Variants in LMTK2 observed in about 807,000 individuals in gnomAD.
LMTK2 encodes lemur tail kinase 2, also known as serine/threonine-protein kinase LMTK2.
Under a neutral mutation model 127.5 loss-of-function variants are expected in LMTK2, and 37 were observed. That is an observed-to-expected ratio of 0.29 (90% CI 0.22 to 0.38). The LOEUF (loss-of-function observed/expected upper bound fraction) is 0.38, where lower values mean the gene tolerates loss of function less well. Ranked by LOEUF, LMTK2 falls within the 10% of genes least tolerant of loss-of-function variation. The pLI is 1.00. For missense variants in LMTK2, 1,694 were observed against 1,920.3 expected (o/e 0.88, Z 2.20); for synonymous variants, 819 against 810.1 (o/e 1.01, Z -0.19).
At chr7:98,148,192 C>G (rs1225525015) in intron 3 of LMTK2, among the ~76,000 whole-genome samples, 1 of 150,850 alleles carries the variant, frequency 6.6e-6, no homozygotes, top group African/African-American at 2.4e-5. Flanking sequence ...GACCCTGTCT[C>G]AAAGAAAAAA....
At chr7:98,166,485 T>TACCTAA (rs1797103087) in intron 6 of LMTK2, among the ~76,000 whole-genome samples, 2 of 152,272 alleles carry the variant, frequency 1.3e-5, no homozygotes, top group South Asian at 4.1e-4. Context: ...AATGTGTTTT[T>TACCTAA]GTTTTAACCT....
intron 3 of LMTK2, among the ~76,000 whole-genome samples, chr7:98,150,521 A>T (rs1235298367): frequency 6.6e-6 from 1 of 152,178 alleles, no homozygotes; most frequent in Non-Finnish European, 1.5e-5. Context: ...TTCAAGAGAG[A>T]TGAAAGCACT....
At chr7:98,148,505 A>AAT (rs1554388172) in intron 3 of LMTK2, among the ~76,000 whole-genome samples, 218 of 141,032 alleles carry the variant, frequency 1.5e-3, no homozygotes, top group Non-Finnish European at 2.1e-3. Flanking sequence ...AAAAAAAAAA[A>AAT]AATAATAATA....
chr7:98,106,922 A>G lies in LMTK2; in HGVS notation c.-256A>G, dbSNP rs889047318. On this transcript the variant is annotated 5_prime_UTR_variant, in exon 1 of 14. Coordinates refer to ENST00000297293, the MANE Select transcript of LMTK2 (RefSeq NM_014916.4). The stretch of plus-strand genomic sequence containing the variant: ...CGGCTTCCCAGGCCCGCCGCTCCGC[A>G]GGGCTGCTGGCGTTGCTGCTGTTGA... The G allele has an allele frequency of 8.8e-6, 4 of 452,182 alleles. No homozygotes were observed. The highest frequency in any genetic ancestry group is 4.4e-5 in the Admixed American group (1 of 22,824). The allele number at this position is 452,182 out of a possible 1,614,324, so 28.0% of individuals were successfully genotyped here.
intron 2 of LMTK2, among the ~76,000 whole-genome samples, chr7:98,140,103 T>G (rs1017901199): frequency 0.089 from 295 of 3,312 alleles, 14 homozygotes; most frequent in South Asian, 0.16. Context: ...TCTTTCTTTC[T>G]TTCTTTCTTT....
rs1413350317 is a variant in LMTK2, at chr7:98,205,470, G to T, written c.4490G>T (p.Ser1497Ile). The T allele has an allele frequency of 6.2e-7, 1 of 1,613,550 alleles. No individual in the cohort carries two copies. Among genetic ancestry groups the T allele is most frequent in the Non-Finnish European group, 8.5e-7 (1 of 1,180,038 alleles). ...TDSDIEQGGS[S>I]EDGEKD ...CTTCCTCTCTCCTCAACAGGAAGCA[G>T]CGAAGACGGAGAAAAGGACTAGGTG... Residue 1497 changes from serine (S) to isoleucine (I), a missense_variant, in exon 14 of 14, where the codon AGC becomes ATC. Transcript: ENST00000297293.
At chr7:98,152,636 T>C (rs1796874654) in intron 4 of LMTK2, among the ~76,000 whole-genome samples, 1 of 152,142 alleles carries the variant, frequency 6.6e-6, no homozygotes, top group Admixed American at 6.5e-5. Context: ...CAGTCAATTG[T>C]GGGAGGTGGG....
chr7:98,176,528 A>G (rs1797279929), intron 7 of LMTK2, among the ~76,000 whole-genome samples: 1 of 152,142 alleles, frequency 6.6e-6, no homozygotes, highest in Admixed American at 6.5e-5. Flanking sequence ...AATAGGCCCA[A>G]GAAATAAGGG....
At chr7:98,142,545 A>G (rs1375022896) in intron 3 of LMTK2, among the ~76,000 whole-genome samples, 1 of 152,214 alleles carries the variant, frequency 6.6e-6, no homozygotes, top group African/African-American at 2.4e-5. Context: ...CTTACTCTAA[A>G]TGGAAATATT....
intron 1 of LMTK2, among the ~76,000 whole-genome samples, chr7:98,111,667 A>G (rs756842027): frequency 3.9e-5 from 6 of 152,194 alleles, no homozygotes; most frequent in Non-Finnish European, 7.3e-5. Flanking sequence ...AGATTGCTTC[A>G]TTGTTTCAGA....
intron 1 of LMTK2, among the ~76,000 whole-genome samples, chr7:98,129,808 T>C (rs1796496766): frequency 6.6e-6 from 1 of 152,182 alleles, no homozygotes. Flanking sequence ...CCCTTTTTCT[T>C]ACCCCGACTT....
rs887357897 is a variant in LMTK2 at position 98,111,223 on chromosome 7, G to A, written c.103+3943G>A. 6.6e-5 allele frequency among the ~76,000 whole-genome samples: 10 copies of A among 152,180 alleles called. 1 individual carries two copies. Among genetic ancestry groups the A allele is most frequent in the African/African-American group, 2.4e-4 (10 of 41,434 alleles). On this transcript the variant is annotated intron_variant, in intron 1 of 13. Transcript: ENST00000297293. ...GATAATCAGTGTGCTGAGTGTTCCT[G>A]CAAATTCTCTTAAAAATTTAGAGTC...
At chr7:98,202,558 T>C (rs887089628) in intron 11 of LMTK2, among the ~76,000 whole-genome samples, 1 of 152,214 alleles carries the variant, frequency 6.6e-6, no homozygotes, top group African/African-American at 2.4e-5. Flanking sequence ...TTGATACTTT[T>C]ACCTTAGCAG....
intron 3 of LMTK2, among the ~76,000 whole-genome samples, chr7:98,151,116 C>T (rs74704619): frequency 7.9e-5 from 12 of 152,034 alleles, no homozygotes; most frequent in African/African-American, 2.9e-4. Flanking sequence ...GGCCATTGGC[C>T]TGGTGATTGG....
intron 3 of LMTK2, among the ~76,000 whole-genome samples, chr7:98,144,549 G>C (rs1796742658): frequency 6.6e-6 from 1 of 151,966 alleles, no homozygotes; most frequent in Non-Finnish European, 1.5e-5. Context: ...TGTTGGTTCT[G>C]GTTTTTCATA....
intron 7 of LMTK2, among the ~76,000 whole-genome samples, chr7:98,184,229 C>G (rs1157698713): frequency 6.6e-6 from 1 of 152,008 alleles, no homozygotes; most frequent in Non-Finnish European, 1.5e-5. Flanking sequence ...TCGAGCGTTC[C>G]CAGTGGGAGG....
intron 3 of LMTK2, among the ~76,000 whole-genome samples, chr7:98,146,541 T>A (rs552856623): frequency 2.5e-4 from 38 of 152,322 alleles, no homozygotes; most frequent in Admixed American, 9.2e-4. Flanking sequence ...ATTATATTTT[T>A]AAATGTTTTC....
intron 7 of LMTK2, among the ~76,000 whole-genome samples, chr7:98,177,142 C>A (rs1797290341): frequency 6.6e-6 from 1 of 152,128 alleles, no homozygotes; most frequent in Non-Finnish European, 1.5e-5. Flanking sequence ...TTTAGAAAAA[C>A]CAAGAAACTG....
chr7:98,154,654 C>T lies in LMTK2; in HGVS notation c.451-104C>T, dbSNP rs1045411478. 6 of 716,990 alleles carry T rather than the reference C, an allele frequency of 8.4e-6. No homozygotes were observed. In the East Asian group the frequency reaches 1.3e-4, roughly 15 times the overall value. The allele number at this position is 716,990 out of a possible 1,614,324, so 44.4% of individuals were successfully genotyped here. Reference sequence around the variant, plus strand: ...AAGTAAAAGAATAGAAGGTCACCTGCTTATTGCTTAACTTGTTCACCTGTG... The same window carrying T: ...AAGTAAAAGAATAGAAGGTCACCTGTTTATTGCTTAACTTGTTCACCTGTG... On this transcript the variant is annotated intron_variant, in intron 4 of 13. Transcript: ENST00000297293.
Sources: allele counts gnomAD v4.1 joint callset (sites outside exome capture counted in the v4.1 genomes callset), GRCh38; gene constraint gnomAD v4.1.1; transcripts MANE v1.5; gene names NCBI Gene and HGNC (gene_info 2026-07-23, HGNC 2026-07-21).